TEX15: variants seen among roughly 807,000 people sequenced by gnomAD.
TEX15 encodes the protein testis expressed 15, meiosis and synapsis associated, also known as testis-expressed protein 15.
A neutral mutation model predicts 237.3 loss-of-function variants in TEX15; 171 were observed. That is an observed-to-expected ratio of 0.72 (90% CI 0.64 to 0.82). The LOEUF (loss-of-function observed/expected upper bound fraction) is 0.82. TEX15 is among the 40% of genes least tolerant of loss of function. The probability of loss-of-function intolerance (pLI) is 0.00; values close to 1 mark genes in which losing one functional copy is unlikely to be tolerated. For missense variants in TEX15, 3,750 were observed against 3,646.5 expected (o/e 1.03, Z -0.73); for synonymous variants, 1,338 against 1,269.8 (o/e 1.05, Z -1.14).
chr8:30,860,097 T>A, intron 5 of TEX15, 40 bp from the exon 6 acceptor site: 3 of 1,394,352 alleles, frequency 2.2e-6, no homozygotes, highest in Non-Finnish European at 2.8e-6. Context: ...CGTAAAAATA[T>A]ACCAAAACGT....
chr8:30,898,988 T>A (rs896390341), intron 1 of TEX15, among the ~76,000 whole-genome samples, 171 bp from the exon 2 acceptor site: 1 of 152,146 alleles, frequency 6.6e-6, no homozygotes, highest in Non-Finnish European at 1.5e-5. Context: ...TTTCTGCATA[T>A]CTCAGTTCCT....
chr8:30,885,573 TGA>T (rs1443761001), intron 3 of TEX15, among the ~76,000 whole-genome samples: 2 of 152,208 alleles, frequency 1.3e-5, no homozygotes, highest in East Asian at 3.8e-4. Context: ...ATACATGGTC[TGA>T]GAGGTGACTG....
intron 2 of TEX15, chr8:30,890,485 C>A (rs1808774826): frequency 1.3e-5 from 2 of 152,146 alleles, no homozygotes; most frequent in Admixed American, 6.5e-5. Context: ...CCTCCCACTC[C>A]CTTCTCAATC....
intron 2 of TEX15, among the ~76,000 whole-genome samples, chr8:30,892,544 A>G (rs896219655): frequency 1.3e-4 from 20 of 152,226 alleles, no homozygotes; most frequent in African/African-American, 4.8e-4. Context: ...CGATCTTAAG[A>G]TAAGTTATAC....
At position 30,837,338 on chromosome 8, in the gene TEX15, C is replaced by T. The variant is rs1395536708; in HGVS notation, c.8946G>A (p.Gly2982=). Residue 2982 remains glycine (G), a synonymous_variant, in exon 10 of 11, where the codon GGG becomes GGA. Transcript: ENST00000643185. ...PNTVHTFGAS[G]HITLNVNQGA... is the part of the protein sequence containing the mutation. The stretch of plus-strand genomic sequence containing the variant: ...CTTGATTCACATTAAGGGTTATATG[C>T]CCAGATGCTCCAAAAGTATGCACAG... The T allele has an allele frequency of 6.2e-7, 1 of 1,614,096 alleles. No individual in the cohort carries two copies. The highest frequency in any genetic ancestry group is 2.2e-5 in the East Asian group (1 of 44,868).
At chr8:30,887,560 A>T in intron 2 of TEX15, 1 of 273,582 alleles carries the variant, frequency 3.7e-6, no homozygotes. Flanking sequence ...GCACTTTGAG[A>T]GGCTGAGGTG....
chr8:30,840,841 A>G (rs190817579), intron 8 of TEX15, among the ~76,000 whole-genome samples: 2 of 152,280 alleles, frequency 1.3e-5, no homozygotes, highest in Non-Finnish European at 1.5e-5. Flanking sequence ...ATATTCCATA[A>G]TCTGAAATAA....
At chr8:30,888,251 T>A (rs1808705939) in intron 2 of TEX15, among the ~76,000 whole-genome samples, 1 of 151,964 alleles carries the variant, frequency 6.6e-6, no homozygotes, top group Non-Finnish European at 1.5e-5. Flanking sequence ...TTTTTCCCTA[T>A]ACATTTCTGT....
At chr8:30,889,948 T>TAC (rs1563273185) in intron 2 of TEX15, among the ~76,000 whole-genome samples, 1 of 119,438 alleles carries the variant, frequency 8.4e-6, no homozygotes, top group Admixed American at 8.4e-5. Flanking sequence ...TATATATATA[T>TAC]ATATACATAT....
intron 2 of TEX15, among the ~76,000 whole-genome samples, chr8:30,889,962 T>TATATATATATACATATATATATATAC (rs1808763610): frequency 1.6e-5 from 2 of 128,208 alleles, no homozygotes; most frequent in African/African-American, 3.1e-5. Flanking sequence ...TACATATATA[T>TATATATATATACATATATATATATAC]ATATATGTAT....
At chr8:30,868,910 T>A (rs566078001) in intron 4 of TEX15, among the ~76,000 whole-genome samples, 1 of 150,962 alleles carries the variant, frequency 6.6e-6, no homozygotes, top group Admixed American at 6.6e-5. Context: ...ACTACCATTA[T>A]ATCATCACAA....
chr8:30,843,396 T>C lies in TEX15; in HGVS notation c.6771A>G (p.Ala2257=). Residue 2257 remains alanine (A), a synonymous_variant, in exon 8 of 11, where the codon GCA becomes GCG. Transcript: ENST00000643185. ...CATAAAGAGATATTTTAACACGTAC[T>C]GCCTCGTTGTTCTTAATAAAATTAA... ...SKVNFIKNNE[A]VRVKISLYGL... is the part of the protein sequence containing the mutation. The C allele has an allele frequency of 6.2e-7, 1 of 1,613,086 alleles. No homozygotes were observed. The highest frequency in any genetic ancestry group is 1.1e-5 in the South Asian group (1 of 91,032).
chr8:30,901,690 ATCAGTG>A (rs1370254764), intron 1 of TEX15, among the ~76,000 whole-genome samples: 1 of 152,220 alleles, frequency 6.6e-6, no homozygotes, highest in Non-Finnish European at 1.5e-5. Flanking sequence ...AAATGAAGTA[ATCAGTG>A]TGGTAAGAGT....
In TEX15 at chr8:30,843,559, T is replaced by C. The variant is rs758260614; in HGVS notation, c.6608A>G (p.Asp2203Gly). ...TAAGATTTCCAGGTCTTCTAAACTA[T>C]CTCCAAAGTTAACTCCACAGGTAAA... ...VPFTCGVNFG[D>G]SLEDLEILRK... Residue 2203 changes from aspartate to glycine, a missense_variant, in exon 8 of 11, where the codon GAT becomes GGT. Physicochemically the swap from Asp to Gly is moderately conservative, Grantham distance 94. Transcript: ENST00000643185. 3 of 1,613,186 alleles carry C rather than the reference T, an allele frequency of 1.9e-6. No individual in the cohort carries two copies. Among genetic ancestry groups the C allele is most frequent in the East Asian group, 2.2e-5 (1 of 44,856 alleles).
chr8:30,901,188 GC>G (rs1249403220), intron 1 of TEX15, among the ~76,000 whole-genome samples: 1 of 152,050 alleles, frequency 6.6e-6, no homozygotes, highest in African/African-American at 2.4e-5. Context: ...GTCTTCAATA[GC>G]TTTTTTCTCT....
Position 30,843,158 on chromosome 8 carries a change from T to C in TEX15, c.7009A>G (p.Ile2337Val), listed in dbSNP as rs772998080. 4 of 1,613,438 alleles carry C rather than the reference T, an allele frequency of 2.5e-6. No individual in the cohort carries two copies. In the South Asian group the frequency reaches 3.3e-5, roughly 13 times the overall value. Residue 2337 changes from isoleucine to valine, a missense_variant, in exon 8 of 11, where the codon ATA becomes GTA. Ile to Val is a conservative substitution (Grantham distance 29). Coordinates refer to ENST00000643185, the MANE Select transcript of TEX15 (RefSeq NM_001350162.2). ...TGATCTGACTTTCTGGAAGCAATTATAGTATCCTCCTCAAGCCCAATAGGG... is the reference window on the plus strand; with the variant it reads ...TGATCTGACTTTCTGGAAGCAATTACAGTATCCTCCTCAAGCCCAATAGGG... ...ISPIGLEEDTIIASRKSDHPI... is the reference protein window; with the variant it reads ...ISPIGLEEDTVIASRKSDHPI...
At chr8:30,877,981 C>T (rs1353707766) in intron 3 of TEX15, among the ~76,000 whole-genome samples, 1 of 152,092 alleles carries the variant, frequency 6.6e-6, no homozygotes, top group African/African-American at 2.4e-5. Flanking sequence ...CACCCCCATT[C>T]TCCTACCCTG....
Position 30,842,683 on chromosome 8 carries a change from AAAG to A in TEX15, c.7481_7483del (p.Ser2494del), listed in dbSNP as rs1332335140. 5.0e-6 allele frequency: 8 copies of A among 1,612,884 alleles called. No individual in the cohort carries two copies. The highest frequency in any genetic ancestry group is 2.7e-5 in the African/African-American group (2 of 74,934). On this transcript the variant is annotated inframe_deletion, in exon 8 of 11. Coordinates refer to ENST00000643185, the MANE Select transcript of TEX15 (RefSeq NM_001350162.2). ...TGTTGAGTTATCTTTAAGAAATGAA[AAAG>A]AAGCCATTTTTTCTTGGCACTGAAC...
At position 30,847,517 on chromosome 8, in the gene TEX15, CAT is replaced by C; in HGVS notation, c.2648_2649del (p.Tyr883TrpfsTer18). 1 of 1,613,168 alleles carries C rather than the reference CAT, an allele frequency of 6.2e-7. No individual in the cohort carries two copies. The highest frequency in any genetic ancestry group is 8.5e-7 in the Non-Finnish European group (1 of 1,179,796). Reference protein sequence around the residue: ...SCVENNIENIYGDKKQDSHTN... With the variant: ...SCVENNIENIXGDKKQDSHTN... The stretch of plus-strand genomic sequence containing the variant: ...GTATGAGAATCCTGCTTTTTGTCTC[CAT>C]ATATGTTCTCTATGTTGTTTTCTAC... On this transcript the variant is annotated frameshift_variant, in exon 8 of 11. Coordinates refer to ENST00000643185, the MANE Select transcript of TEX15 (RefSeq NM_001350162.2). LOFTEE classifies it high-confidence loss of function.
Sources: allele counts gnomAD v4.1 joint callset (sites outside exome capture counted in the v4.1 genomes callset), GRCh38; gene constraint gnomAD v4.1.1; transcripts MANE v1.5; gene names NCBI Gene and HGNC (gene_info 2026-07-23, HGNC 2026-07-21).